Variants in HNRNPLL observed in about 807,000 individuals in gnomAD.
The protein encoded by HNRNPLL is heterogeneous nuclear ribonucleoprotein L-like.
Under a neutral mutation model 67.1 loss-of-function variants are expected in HNRNPLL, and 25 were observed. The observed-to-expected ratio is 0.37, with a 90% CI of 0.27 to 0.52. HNRNPLL has a LOEUF of 0.52. Ranked by LOEUF, HNRNPLL falls within the 20% of genes least tolerant of loss-of-function variation. The pLI, the probability that HNRNPLL is intolerant of heterozygous loss-of-function variation, is 0.90. For synonymous variants in HNRNPLL, 267 were observed against 241.7 expected (o/e 1.10, Z -0.97); for missense variants, 542 against 673.9 (o/e 0.80, Z 2.17).
intron 6 of HNRNPLL, among the ~76,000 whole-genome samples, chr2:38,578,961 T>C (rs543329697): frequency 6.6e-6 from 1 of 152,096 alleles, no homozygotes; most frequent in Admixed American, 6.6e-5. Flanking sequence ...CTAACGTCTC[T>C]CATCACGCAA....
chr2:38,596,782 TTCTG>T (rs1667210169), intron 1 of HNRNPLL, among the ~76,000 whole-genome samples: 1 of 152,174 alleles, frequency 6.6e-6, no homozygotes, highest in Non-Finnish European at 1.5e-5. Context: ...GGCTCTCTCT[TTCTG>T]TATCTATTGC....
intron 7 of HNRNPLL, 141 bp from the exon 8 acceptor site, chr2:38,573,568 T>C (rs1260617170): frequency 1.6e-6 from 1 of 621,540 alleles, no homozygotes; most frequent in Non-Finnish European, 2.8e-6. Flanking sequence ...AACTCAAATG[T>C]ATGAATATTT....
At chr2:38,565,433 C>T (rs1368879151) in intron 12 of HNRNPLL, among the ~76,000 whole-genome samples, 3 of 152,134 alleles carry the variant, frequency 2.0e-5, no homozygotes, top group African/African-American at 7.2e-5. Context: ...AAAGCCGACA[C>T]TGTGGCTTGT....
In HNRNPLL at chr2:38,602,694, G is replaced by T; in HGVS notation, c.-68C>A. ...CGGTGGGGCGCGCGCCTCGGATGCC[G>T]CCGGCCAGTCCTCGCCGCCGGCAGC... On this transcript the variant is annotated 5_prime_UTR_variant, in exon 1 of 13. Coordinates refer to ENST00000449105, the MANE Select transcript of HNRNPLL (RefSeq NM_138394.4). 1 of 1,430,986 alleles carries T rather than the reference G, an allele frequency of 7.0e-7. No homozygotes were observed. Among genetic ancestry groups the T allele is most frequent in the Non-Finnish European group, 9.1e-7 (1 of 1,098,036 alleles). The allele number at this position is 1,430,986 out of a possible 1,614,324, so 88.6% of individuals were successfully genotyped here.
intron 6 of HNRNPLL, among the ~76,000 whole-genome samples, chr2:38,578,818 T>C (rs1283195059): frequency 6.6e-6 from 1 of 152,072 alleles, no homozygotes; most frequent in Non-Finnish European, 1.5e-5. Context: ...TTTAGGGCCT[T>C]ACAGACTTAG....
chr2:38,570,484 G>A (rs1006290949), intron 8 of HNRNPLL, among the ~76,000 whole-genome samples: 50 of 152,114 alleles, frequency 3.3e-4, no homozygotes, highest in Admixed American at 9.8e-4. Flanking sequence ...ATACAAAATA[G>A]CCTTGAGATA....
At chr2:38,588,247 G>T (rs1035271110) in intron 2 of HNRNPLL, among the ~76,000 whole-genome samples, 1 of 152,064 alleles carries the variant, frequency 6.6e-6, no homozygotes, top group Non-Finnish European at 1.5e-5. Flanking sequence ...TGCTTTCTGT[G>T]ACTAAAATAA....
chr2:38,595,116 C>CA (rs1174333478), intron 1 of HNRNPLL, among the ~76,000 whole-genome samples: 6 of 150,510 alleles, frequency 4.0e-5, no homozygotes, highest in Admixed American at 6.6e-5. Flanking sequence ...CCGTCTTTAG[C>CA]AAAAAAACAA....
chr2:38,579,868 T>C (rs932753383), intron 6 of HNRNPLL, among the ~76,000 whole-genome samples: 7 of 152,290 alleles, frequency 4.6e-5, no homozygotes, highest in East Asian at 3.9e-4. Flanking sequence ...TAAACTGTTA[T>C]GGTCTCGCAA....
At chr2:38,582,235 C>A in intron 4 of HNRNPLL, 67 bp from the exon 5 acceptor site, 1 of 1,022,940 alleles carries the variant, frequency 9.8e-7, no homozygotes. Context: ...TCCCAAAGGA[C>A]AGGATTGAAA....
At chr2:38,569,677 C>T in intron 9 of HNRNPLL, 127 bp downstream of exon 9, 3 of 559,608 alleles carry the variant, frequency 5.4e-6, no homozygotes, top group South Asian at 3.4e-5. Context: ...AACAATATTA[C>T]AGCTGTTGTT....
rs141403909 is a variant in HNRNPLL at position 38,589,766 on chromosome 2, A to C, written c.308+1764T>G. ...ATGTCATGGTACTAATTAACATCAA[A>C]ATAGTCACTGCTTCCCAAAGTTTCC... On this transcript the variant is annotated intron_variant, in intron 2 of 12. Transcript: ENST00000449105. Among the ~76,000 whole-genome samples the C allele has an allele frequency of 6.1e-3, 928 of 152,278 alleles. 7 individuals carry two copies. Among genetic ancestry groups the C allele is most frequent in the African/African-American group, 0.021 (884 of 41,560 alleles).
chr2:38,571,647 C>A (rs965124274), intron 8 of HNRNPLL, among the ~76,000 whole-genome samples: 14 of 152,120 alleles, frequency 9.2e-5, no homozygotes, highest in African/African-American at 2.7e-4. Flanking sequence ...CAATGACTAT[C>A]TGCAAATCTA....
chr2:38,582,313 TTTTTG>T lies in HNRNPLL; in HGVS notation c.633-150_633-146del, dbSNP rs1270265597. 2.0e-5 allele frequency: 14 copies of T among 699,828 alleles called. No individual in the cohort carries two copies. In the East Asian group the frequency reaches 2.7e-4, roughly 14 times the overall value. The allele number at this position is 699,828 out of a possible 1,614,324, so 43.4% of individuals were successfully genotyped here. ...ATTTCAGGATGAATTTTAAGAGAAT[TTTTTG>T]TTTTGTTTTGTTTTTGAGACGGAGT... On this transcript the variant is annotated intron_variant, in intron 4 of 12. Transcript: ENST00000449105.
At chr2:38,597,475 G>A (rs1667242296) in intron 1 of HNRNPLL, among the ~76,000 whole-genome samples, 2 of 152,110 alleles carry the variant, frequency 1.3e-5, no homozygotes, top group African/African-American at 4.8e-5. Flanking sequence ...GTTTTAACGG[G>A]CAGCTGTAAA....
At chr2:38,582,723 C>G (rs1001939085) in intron 4 of HNRNPLL, among the ~76,000 whole-genome samples, 1 of 152,002 alleles carries the variant, frequency 6.6e-6, no homozygotes, top group Non-Finnish European at 1.5e-5. Context: ...AGTTCGAGAC[C>G]AGCCTGGCCA....
At chr2:38,592,549 T>C (rs1388667849) in intron 1 of HNRNPLL, among the ~76,000 whole-genome samples, 1 of 152,234 alleles carries the variant, frequency 6.6e-6, no homozygotes, top group Non-Finnish European at 1.5e-5. Context: ...TACTCAAAAA[T>C]GCAAGCCCTC....
At chr2:38,565,376 TAATAA>T (rs1665816807) in intron 12 of HNRNPLL, among the ~76,000 whole-genome samples, 1 of 152,126 alleles carries the variant, frequency 6.6e-6, no homozygotes, top group Non-Finnish European at 1.5e-5. Flanking sequence ...CCTGACTACT[TAATAA>T]AATTTCCTTT....
chr2:38,590,942 C>A (rs1418697954), intron 2 of HNRNPLL, among the ~76,000 whole-genome samples: 1 of 152,066 alleles, frequency 6.6e-6, no homozygotes, highest in Non-Finnish European at 1.5e-5. Flanking sequence ...GAGGTGGAGG[C>A]TCCAGTGAGC....
Sources: gnomAD v4.1 joint callset for allele counts (sites outside exome capture counted in the v4.1 genomes callset) on GRCh38, gnomAD v4.1.1 for gene constraint, MANE v1.5 for transcripts, NCBI Gene and HGNC (gene_info 2026-07-23, HGNC 2026-07-21) for gene names.